LRRIQ1: variants seen among roughly 807,000 people sequenced by gnomAD.
The protein encoded by LRRIQ1 is leucine-rich repeat- and IQ domain-containing protein 1.
Under a neutral mutation model 211.9 loss-of-function variants are expected in LRRIQ1, and 210 were observed. The ratio of observed to expected loss-of-function variants is 0.99; its 90% CI spans 0.89 to 1.11. LRRIQ1 has a LOEUF of 1.11. Ranked by LOEUF, LRRIQ1 falls within the 50% of genes most tolerant of loss-of-function variation. The pLI is 0.00. For synonymous variants in LRRIQ1, 699 were observed against 650.1 expected (o/e 1.08, Z -1.14); for missense variants, 2,136 against 1,939.5 (o/e 1.10, Z -1.90).
At chr12:85,069,998 A>G (rs893806094) in intron 10 of LRRIQ1, among the ~76,000 whole-genome samples, 33 of 152,056 alleles carry the variant, frequency 2.2e-4, no homozygotes, top group African/African-American at 7.9e-4. Context: ...GGTGTTTTAG[A>G]CATGAAGTCC....
Position 85,066,662 on chromosome 12 carries a change from ATCTT to A in LRRIQ1, c.2545-79_2545-76del, listed in dbSNP as rs552723372. 6.2e-4 allele frequency: 650 copies of A among 1,056,174 alleles called. 2 individuals are homozygous for A. In the African/African-American group the frequency reaches 9.6e-3, roughly 16 times the overall value. The allele number at this position is 1,056,174 out of a possible 1,614,324, so 65.4% of individuals were successfully genotyped here. On this transcript the variant is annotated intron_variant, in intron 9 of 26. Coordinates refer to ENST00000393217, the MANE Select transcript of LRRIQ1 (RefSeq NM_001079910.2). ...GATATTAATTTGGAGATCCTATCTC[ATCTT>A]TCTTTCCTCTTTTTGAAAGCTTTAA...
intron 15 of LRRIQ1, among the ~76,000 whole-genome samples, chr12:85,117,536 C>CT (rs1216483225): frequency 3.9e-5 from 6 of 152,100 alleles, no homozygotes; most frequent in Non-Finnish European, 8.8e-5. Flanking sequence ...GGCAGACCTC[C>CT]TTTTTTCACA....
intron 23 of LRRIQ1, among the ~76,000 whole-genome samples, chr12:85,159,883 A>T (rs1890770515): frequency 6.6e-6 from 1 of 151,956 alleles, no homozygotes; most frequent in Non-Finnish European, 1.5e-5. Flanking sequence ...ACCTGAGATT[A>T]CATATATTAA....
At chr12:85,095,086 G>T (rs920965825) in intron 11 of LRRIQ1, among the ~76,000 whole-genome samples, 2 of 151,754 alleles carry the variant, frequency 1.3e-5, no homozygotes, top group Non-Finnish European at 2.9e-5. Flanking sequence ...ACTTCTTTTT[G>T]TGTGTGTGTG....
intron 24 of LRRIQ1, among the ~76,000 whole-genome samples, chr12:85,167,328 G>T (rs530843941): frequency 6.1e-4 from 93 of 152,212 alleles, no homozygotes; most frequent in Middle Eastern, 3.4e-3. Flanking sequence ...TGACTAACAC[G>T]ATCACAGAGT....
intron 24 of LRRIQ1, among the ~76,000 whole-genome samples, chr12:85,171,089 A>G (rs1891394377): frequency 6.6e-6 from 1 of 152,144 alleles, no homozygotes; most frequent in Non-Finnish European, 1.5e-5. Flanking sequence ...GAGACTTTAG[A>G]TAATGGAGAT....
At position 85,055,538 on chromosome 12, in the gene LRRIQ1, T is replaced by A; in HGVS notation, c.754-9T>A. On this transcript the variant is annotated splice_polypyrimidine_tract_variant and intron_variant, in intron 7 of 26. Transcript: ENST00000393217. ...TATGCTGACTACCATGTATCTTACT[T>A]TGTTTTAGGAGTATATTAGAAACTT... 6.8e-7 allele frequency: 1 copy of A among 1,470,860 alleles called. No homozygotes were observed. The highest frequency in any genetic ancestry group is 1.5e-5 in the South Asian group (1 of 66,194). 91.1% of individuals were successfully genotyped at this position (1,470,860 alleles called of 1,614,324 possible).
intron 24 of LRRIQ1, among the ~76,000 whole-genome samples, chr12:85,176,648 C>T (rs1472133014): frequency 2.7e-5 from 4 of 148,756 alleles, no homozygotes; most frequent in Non-Finnish European, 4.5e-5. Context: ...TGCTAGATGA[C>T]GAGTTAGTGG....
intron 24 of LRRIQ1, among the ~76,000 whole-genome samples, chr12:85,202,015 A>C (rs1226949385): frequency 6.6e-6 from 1 of 152,080 alleles, no homozygotes; most frequent in Non-Finnish European, 1.5e-5. Context: ...ATTTCAAATA[A>C]TTGATTTCTG....
At chr12:85,202,778 T>A (rs950075016) in intron 24 of LRRIQ1, among the ~76,000 whole-genome samples, 3 of 152,200 alleles carry the variant, frequency 2.0e-5, no homozygotes, top group African/African-American at 7.2e-5. Flanking sequence ...TTTAGCACAT[T>A]TCCATTCTAG....
At chr12:85,238,462 A>G (rs1895297659) in intron 26 of LRRIQ1, among the ~76,000 whole-genome samples, 1 of 152,146 alleles carries the variant, frequency 6.6e-6, no homozygotes, top group South Asian at 2.1e-4. Flanking sequence ...CCAACAAGAA[A>G]GAAAAAAATT....
Position 85,056,018 on chromosome 12 carries a change from C to A in LRRIQ1, c.1225C>A (p.His409Asn). Residue 409 changes from histidine (H) to asparagine (N), a missense_variant, in exon 8 of 27, where the codon CAT becomes AAT. By Grantham distance (68) the His-to-Asn change is moderately conservative (BLOSUM62 1). Transcript: ENST00000393217. ...AAAGAAGAGCGGATATAATAACAAA[C>A]ATTTAAGTCTTGAAGATATTTCAAA... ...ALKKSGYNNK[H>N]LSLEDISNDK... 2 of 1,605,148 alleles carry A rather than the reference C, an allele frequency of 1.2e-6. No individual in the cohort carries two copies. The highest frequency in any genetic ancestry group is 1.7e-4 in the Middle Eastern group (1 of 6,004).
intron 19 of LRRIQ1, 34 bp downstream of exon 19, chr12:85,138,003 TTAAA>T: frequency 8.5e-7 from 1 of 1,175,354 alleles, no homozygotes; most frequent in Non-Finnish European, 1.2e-6. Flanking sequence ...AATATTGGTC[TTAAA>T]ATACATTAAG....
At chr12:85,249,731 G>A (rs11116753), downstream of LRRIQ1, among the ~76,000 whole-genome samples, 72,866 of 151,700 alleles carry the variant, frequency 0.48, 21,521 homozygotes, top group African/African-American at 0.84. Context: ...GTTTTCCACA[G>A]AAACAAAAAC....
At chr12:85,113,334 G>A (rs950921753) in intron 15 of LRRIQ1, among the ~76,000 whole-genome samples, 12 of 145,494 alleles carry the variant, frequency 8.2e-5, no homozygotes, top group African/African-American at 2.5e-4. Context: ...TGTGTAGATT[G>A]CACTTAGTTT....
chr12:85,048,558 CAAAAAAA>C, intron 6 of LRRIQ1: 1 of 76,034 alleles, frequency 1.3e-5, no homozygotes, highest in Non-Finnish European at 2.7e-5. Flanking sequence ...GACTCCGTCT[CAAAAAAA>C]AAAAAAAAGA....
At chr12:85,109,306 G>A (rs970644956) in intron 15 of LRRIQ1, among the ~76,000 whole-genome samples, 5 of 152,102 alleles carry the variant, frequency 3.3e-5, no homozygotes, top group Non-Finnish European at 7.4e-5. Flanking sequence ...TAAGAAGGTA[G>A]AAGCATTTTT....
At chr12:85,219,580 T>C (rs1866057563) in intron 24 of LRRIQ1, among the ~76,000 whole-genome samples, 1 of 152,102 alleles carries the variant, frequency 6.6e-6, no homozygotes, top group East Asian at 1.9e-4. Flanking sequence ...ACATAACTTT[T>C]CATTTTAGTT....
At chr12:85,116,185 C>T (rs1345576780) in intron 15 of LRRIQ1, among the ~76,000 whole-genome samples, 1 of 152,220 alleles carries the variant, frequency 6.6e-6, no homozygotes, top group Non-Finnish European at 1.5e-5. Context: ...CTCTGTCGCC[C>T]AGGCTGGAGT....
Sources: gnomAD v4.1 joint callset for allele counts (sites outside exome capture counted in the v4.1 genomes callset) on GRCh38, gnomAD v4.1.1 for gene constraint, MANE v1.5 for transcripts, NCBI Gene and HGNC (gene_info 2026-07-23, HGNC 2026-07-21) for gene names.